The following PARD6G variants were observed in gnomAD, a reference collection of about 807,000 sequenced individuals.
PARD6G encodes the protein partitioning defective 6 homolog gamma.
A neutral mutation model predicts 10.7 loss-of-function variants in PARD6G; 7 were observed. The observed-to-expected ratio is 0.66, with a 90% CI of 0.37 to 1.23. The LOEUF (loss-of-function observed/expected upper bound fraction) is 1.23, where lower values mean the gene tolerates loss of function less well. Ranked by LOEUF, PARD6G falls within the 50% of genes most tolerant of loss-of-function variation. The pLI is 0.02. For missense variants in PARD6G, 548 were observed against 571.8 expected (o/e 0.96, Z 0.42); for synonymous variants, 287 against 269.4 (o/e 1.07, Z -0.64).
In PARD6G at chr18:80,228,687, C is replaced by T. The variant is rs567740844; in HGVS notation, c.72+18590G>A. Among the ~76,000 whole-genome samples, 2 of 151,722 alleles carry T rather than the reference C, an allele frequency of 1.3e-5. No homozygotes were observed. Among genetic ancestry groups the T allele is most frequent in the South Asian group, 2.1e-4 (1 of 4,800 alleles). On this transcript the variant is annotated intron_variant, in intron 1 of 2. Coordinates refer to ENST00000353265, the MANE Select transcript of PARD6G (RefSeq NM_032510.4). The surrounding 1 kb of genome is among the most constrained non-coding windows in gnomAD (Gnocchi z 4.6). ...GGCCCCATCCCCTGCCCACAGACTGCGCCTCCCACCTAAGGCCCTTCTCCA... is the reference window on the plus strand; with the variant it reads ...GGCCCCATCCCCTGCCCACAGACTGTGCCTCCCACCTAAGGCCCTTCTCCA...
chr18:80,212,557 G>A (rs952083400), intron 1 of PARD6G, among the ~76,000 whole-genome samples: 13 of 152,204 alleles, frequency 8.5e-5, no homozygotes, highest in African/African-American at 3.1e-4. Flanking sequence ...TACAACCGCT[G>A]TCAGTCACTG....
At chr18:80,209,414 T>A (rs1599865408) in intron 1 of PARD6G, among the ~76,000 whole-genome samples, 2 of 152,224 alleles carry the variant, frequency 1.3e-5, no homozygotes, top group African/African-American at 4.8e-5. Context: ...CAACTATTAT[T>A]CCTACAACAG....
Position 80,247,226 on chromosome 18 carries a change from C to T in PARD6G, c.72+51G>A, listed in dbSNP as rs1445422545. On this transcript the variant is annotated intron_variant, in intron 1 of 2. Coordinates refer to ENST00000353265, the MANE Select transcript of PARD6G (RefSeq NM_032510.4). The surrounding 1 kb of genome is among the most constrained non-coding windows in gnomAD (Gnocchi z 4.2). ...GTCCCCCTCCGCGGGGCGCCCCATTCATTAGCCAGGAGACTGGGCGCAGGG... is the reference window on the plus strand; with the variant it reads ...GTCCCCCTCCGCGGGGCGCCCCATTTATTAGCCAGGAGACTGGGCGCAGGG... 1 of 1,457,098 alleles carries T rather than the reference C, an allele frequency of 6.9e-7. No individual in the cohort carries two copies. Among genetic ancestry groups the T allele is most frequent in the African/African-American group, 1.5e-5 (1 of 68,244 alleles). 90.3% of individuals were successfully genotyped at this position (1,457,098 alleles called of 1,614,324 possible). A position where few individuals can be genotyped will look rare whatever the true frequency, so the allele number is the denominator to read the frequency against.
chr18:80,176,923 TCA>T (rs2052811345), intron 2 of PARD6G, among the ~76,000 whole-genome samples: 1 of 136,094 alleles, frequency 7.3e-6, no homozygotes, highest in Non-Finnish European at 1.6e-5. Context: ...ACAGGATAAA[TCA>T]CAGTCCAGAT....
chr18:80,236,370 C>G (rs958036533), intron 1 of PARD6G, among the ~76,000 whole-genome samples: 1 of 152,166 alleles, frequency 6.6e-6, no homozygotes, highest in African/African-American at 2.4e-5. Flanking sequence ...TAAGAGCTAT[C>G]TATGACAAAC....
chr18:80,227,135 A>C (rs1199876074), intron 1 of PARD6G, among the ~76,000 whole-genome samples: 1 of 152,280 alleles, frequency 6.6e-6, no homozygotes, highest in East Asian at 1.9e-4. Flanking sequence ...TAAAAAATAT[A>C]TATGTATTTG....
chr18:80,180,633 C>T lies in PARD6G; in HGVS notation c.296-20027G>A, dbSNP rs1484874681. Among the ~76,000 whole-genome samples, 1 of 152,174 alleles carries T rather than the reference C, an allele frequency of 6.6e-6. No individual in the cohort carries two copies. The highest frequency in any genetic ancestry group is 1.9e-4 in the East Asian group (1 of 5,194). On this transcript the variant is annotated intron_variant, in intron 2 of 2. Coordinates refer to ENST00000353265, the MANE Select transcript of PARD6G (RefSeq NM_032510.4). This position sits in a 1 kb window ranked among gnomAD's most constrained non-coding sequence, Gnocchi z 5.6. ...CACCGCAAATGGCAGGGCTGCTCCC[C>T]ACTCCCTGGAGGAAGTGAGCCTGAC...
At chr18:80,194,883 AT>A (rs1395275117) in intron 2 of PARD6G, among the ~76,000 whole-genome samples, 1 of 152,094 alleles carries the variant, frequency 6.6e-6, no homozygotes, top group Non-Finnish European at 1.5e-5. Flanking sequence ...CTCCGAGGGG[AT>A]GGCTGTGCTG....
At position 80,159,541 on chromosome 18, in the gene PARD6G, C is replaced by CT; in HGVS notation, c.*229dup. On this transcript the variant is annotated 3_prime_UTR_variant, in exon 3 of 3. Transcript: ENST00000353265. Reference sequence around the variant, plus strand: ...TATCACTTTGCAAAGGCGCCAAGACCTGCACTCAGGCCTGGTATAGAGTGT... The same window carrying CT: ...TATCACTTTGCAAAGGCGCCAAGACCTTGCACTCAGGCCTGGTATAGAGTGT... 1.1e-5 allele frequency: 6 copies of CT among 547,358 alleles called. No individual in the cohort carries two copies. 33.9% of individuals were successfully genotyped at this position (547,358 alleles called of 1,614,324 possible).
intron 1 of PARD6G, among the ~76,000 whole-genome samples, chr18:80,203,722 G>A (rs1048676915): frequency 1.3e-5 from 2 of 152,124 alleles, no homozygotes; most frequent in Non-Finnish European, 2.9e-5. Context: ...ATGAAACCTC[G>A]GGACTGTTTC....
At chr18:80,190,824 AATC>A (rs1966891110) in intron 2 of PARD6G, among the ~76,000 whole-genome samples, 1 of 152,148 alleles carries the variant, frequency 6.6e-6, no homozygotes, top group Non-Finnish European at 1.5e-5. Flanking sequence ...GTCTCCAGGC[AATC>A]AACAAAATCA....
In PARD6G at chr18:80,195,548, CATATATAT is replaced by C. The variant is rs201373415; in HGVS notation, c.295+7154_295+7161del. On this transcript the variant is annotated intron_variant, in intron 2 of 2. Transcript: ENST00000353265. Reference sequence around the variant, plus strand: ...CACACAATAAGAGTCTTCAAAGATACATATATATATATATATATATATATACACACATT... The same window carrying C: ...CACACAATAAGAGTCTTCAAAGATACATATATATATATATATACACACATT... 5.8e-4 allele frequency among the ~76,000 whole-genome samples: 48 copies of C among 82,204 alleles called. 1 individual carries two copies. The highest frequency in any genetic ancestry group is 3.2e-3 in the East Asian group (8 of 2,476). 53.9% of individuals were successfully genotyped at this position (82,204 alleles called of 152,430 possible).
intron 1 of PARD6G, among the ~76,000 whole-genome samples, chr18:80,210,542 C>A (rs1003213970): frequency 6.6e-6 from 1 of 152,156 alleles, no homozygotes; most frequent in Admixed American, 6.5e-5. Context: ...AGGAAAAGCC[C>A]TTCTCATAGG....
chr18:80,213,216 A>G (rs117340756), intron 1 of PARD6G, among the ~76,000 whole-genome samples: 2,893 of 152,318 alleles, frequency 0.019, 57 homozygotes, highest in Non-Finnish European at 0.027. Context: ...CAATTTTTAA[A>G]AACGAAAAAA....
At position 80,182,960 on chromosome 18, in the gene PARD6G, C is replaced by T. The variant is rs1057439822; in HGVS notation, c.295+19750G>A. 1.6e-6 allele frequency: 1 copy of T among 619,900 alleles called. No homozygotes were observed. The highest frequency in any genetic ancestry group is 1.8e-5 in the African/African-American group (1 of 54,678). 38.4% of individuals were successfully genotyped at this position (619,900 alleles called of 1,614,324 possible). A position where few individuals can be genotyped will look rare whatever the true frequency, so the allele number is the denominator to read the frequency against. On this transcript the variant is annotated intron_variant, in intron 2 of 2. Transcript: ENST00000353265. This position sits in a 1 kb window ranked among gnomAD's most constrained non-coding sequence, Gnocchi z 4.5. ...AGGCCCCACACCACGCAGCCAGACG[C>T]CCCTCCCAGTCCTCCTTCGTCCTGA...
chr18:80,226,840 T>G (rs1452698396), intron 1 of PARD6G, among the ~76,000 whole-genome samples: 1 of 152,176 alleles, frequency 6.6e-6, no homozygotes, highest in Admixed American at 6.5e-5. Flanking sequence ...AGCCACAAAT[T>G]TAAAATTTTT....
chr18:80,240,045 C>T (rs1344702854), intron 1 of PARD6G, among the ~76,000 whole-genome samples: 3 of 152,182 alleles, frequency 2.0e-5, no homozygotes, highest in East Asian at 3.8e-4. Flanking sequence ...TAACAACCAG[C>T]TCTTGCTAGA....
intron 1 of PARD6G, among the ~76,000 whole-genome samples, chr18:80,245,857 C>T (rs950005490): frequency 6.6e-6 from 1 of 151,864 alleles, no homozygotes; most frequent in African/African-American, 2.4e-5. Context: ...GGTGTGGGGC[C>T]GAGGTCATGG....
At position 80,246,278 on chromosome 18, in the gene PARD6G, G is replaced by T. The variant is rs916705929; in HGVS notation, c.72+999C>A. Among the ~76,000 whole-genome samples, 1 of 152,170 alleles carries T rather than the reference G, an allele frequency of 6.6e-6. No individual in the cohort carries two copies. The highest frequency in any genetic ancestry group is 1.5e-5 in the Non-Finnish European group (1 of 68,028). ...AGACTCGAGGGGCCCCCTCCCGCAGGACCCCGAACAACTGCAGCACCTCCT... is the reference window on the plus strand; with the variant it reads ...AGACTCGAGGGGCCCCCTCCCGCAGTACCCCGAACAACTGCAGCACCTCCT... On this transcript the variant is annotated intron_variant, in intron 1 of 2. Coordinates refer to ENST00000353265, the MANE Select transcript of PARD6G (RefSeq NM_032510.4). This position sits in a 1 kb window ranked among gnomAD's most constrained non-coding sequence, Gnocchi z 6.7.
Sources: gnomAD v4.1 joint callset for allele counts (sites outside exome capture counted in the v4.1 genomes callset) on GRCh38, gnomAD v4.1.1 for gene constraint, Gnocchi (gnomAD v3.1) non-coding constraint, MANE v1.5 for transcripts, NCBI Gene and HGNC (gene_info 2026-07-23, HGNC 2026-07-21) for gene names.